The following PDZD2 variants were observed in gnomAD, a reference collection of about 807,000 sequenced individuals.
PDZD2 encodes the protein PDZ domain-containing protein 2.
In PDZD2, 90 loss-of-function variants were observed where a neutral mutation model predicts 220.7. The observed-to-expected ratio is 0.41, with a 90% CI of 0.34 to 0.49. PDZD2 has a LOEUF of 0.49. Among genes scored for constraint, PDZD2 ranks in the 20% least tolerant of loss-of-function variants. The pLI is 0.28. For synonymous variants in PDZD2, 1,375 were observed against 1,450.5 expected (o/e 0.95, Z 1.18); for missense variants, 3,174 against 3,608.5 (o/e 0.88, Z 3.08).
At chr5:31,752,584 T>A (rs1354859589) in intron 1 of PDZD2, among the ~76,000 whole-genome samples, 1 of 150,700 alleles carries the variant, frequency 6.6e-6, no homozygotes, top group Non-Finnish European at 1.5e-5. Flanking sequence ...AATAGGCGTT[T>A]TTTTTTCCCC....
chr5:31,713,499 C>T (rs2150141003), intron 1 of PDZD2, among the ~76,000 whole-genome samples: 1 of 152,310 alleles, frequency 6.6e-6, no homozygotes, highest in South Asian at 2.1e-4. Flanking sequence ...CCCTGCAAAT[C>T]TCATGTTGAA....
intron 1 of PDZD2, among the ~76,000 whole-genome samples, chr5:31,719,244 C>T (rs1270296778): frequency 1.3e-5 from 2 of 152,002 alleles, no homozygotes; most frequent in East Asian, 3.9e-4. Context: ...CATTGGATTC[C>T]ACTATATGAT....
At chr5:32,050,912 G>C (rs185499259) in intron 8 of PDZD2, among the ~76,000 whole-genome samples, 52 of 152,298 alleles carry the variant, frequency 3.4e-4, no homozygotes, top group African/African-American at 1.1e-3. Flanking sequence ...TTTTTTATTT[G>C]TATCGTCCAA....
chr5:31,996,522 C>T lies in PDZD2; in HGVS notation c.1121+804C>T, dbSNP rs114462369. On this transcript the variant is annotated intron_variant, in intron 4 of 24. Transcript: ENST00000438447. The stretch of plus-strand genomic sequence containing the variant: ...AGGAGTTCCAGACCAGCCTGGCCAA[C>T]AGGTGAAACCCCATCTCCACTAAAC... 7.4e-3 allele frequency among the ~76,000 whole-genome samples: 1,123 copies of T among 152,278 alleles called. 14 individuals carry two copies. The highest frequency in any genetic ancestry group is 0.026 in the African/African-American group (1,071 of 41,556).
intron 1 of PDZD2, among the ~76,000 whole-genome samples, chr5:31,693,600 C>T (rs904242454): frequency 2.7e-5 from 4 of 150,212 alleles, no homozygotes; most frequent in Admixed American, 6.7e-5. Context: ...GTACAGTCTC[C>T]TGTCATCCCC....
At chr5:31,684,861 C>T (rs1229573982) in intron 1 of PDZD2, among the ~76,000 whole-genome samples, 1 of 152,206 alleles carries the variant, frequency 6.6e-6, no homozygotes, top group African/African-American at 2.4e-5. Flanking sequence ...GGTCTCAACT[C>T]ATGTCACCCC....
intron 6 of PDZD2, among the ~76,000 whole-genome samples, chr5:32,024,702 A>AG (rs1554027602): frequency 1.3e-4 from 5 of 39,980 alleles, no homozygotes; most frequent in South Asian, 1.1e-3. Context: ...AAGAAAGAAA[A>AG]AAAAGAAAAG....
chr5:32,048,769 T>A (rs775372054), intron 8 of PDZD2, 85 bp downstream of exon 8: 30 of 1,387,850 alleles, frequency 2.2e-5, no homozygotes, highest in Admixed American at 1.5e-4. Flanking sequence ...GCCAGGAGTG[T>A]CTGGGGCTAG....
intron 2 of PDZD2, among the ~76,000 whole-genome samples, chr5:31,918,222 G>A (rs1581074298): frequency 6.6e-6 from 1 of 152,264 alleles, no homozygotes; most frequent in East Asian, 1.9e-4. Flanking sequence ...CTCCAACAAT[G>A]GGGATTAAAA....
chr5:31,926,064 T>TA (rs1164043696), intron 2 of PDZD2, among the ~76,000 whole-genome samples: 2 of 150,964 alleles, frequency 1.3e-5, no homozygotes, highest in Non-Finnish European at 3.0e-5. Context: ...CGACAGAAAG[T>TA]AAAAAAAATT....
At chr5:31,923,187 C>T (rs1744434397) in intron 2 of PDZD2, among the ~76,000 whole-genome samples, 1 of 152,106 alleles carries the variant, frequency 6.6e-6, no homozygotes, top group Non-Finnish European at 1.5e-5. Flanking sequence ...CCCAGCTACT[C>T]AGGGGGCAGA....
Position 32,108,323 on chromosome 5 carries a change from G to GCCTT in PDZD2, c.*191_*194dup, listed in dbSNP as rs1165887312. 2.3e-6 allele frequency: 1 copy of GCCTT among 433,966 alleles called. No individual in the cohort carries two copies. The highest frequency in any genetic ancestry group is 4.0e-6 in the Non-Finnish European group (1 of 247,878). The allele number at this position is 433,966 out of a possible 1,614,324, so 26.9% of individuals were successfully genotyped here. On this transcript the variant is annotated 3_prime_UTR_variant, in exon 25 of 25. Transcript: ENST00000438447. ...AACAGCAATGAAATTAACTCCAGAAGCCTTCCACCTGCGTCACCCAGGCCG... is the reference window on the plus strand; with the variant it reads ...AACAGCAATGAAATTAACTCCAGAAGCCTTCCTTCCACCTGCGTCACCCAGGCCG...
At chr5:31,877,497 G>T (rs529563639) in intron 2 of PDZD2, among the ~76,000 whole-genome samples, 1 of 152,040 alleles carries the variant, frequency 6.6e-6, no homozygotes, top group Non-Finnish European at 1.5e-5. Flanking sequence ...AGGATTACAG[G>T]CATGAGACAC....
intron 2 of PDZD2, among the ~76,000 whole-genome samples, chr5:31,833,300 T>A (rs78843508): frequency 0.035 from 5,329 of 152,072 alleles, 200 homozygotes; most frequent in African/African-American, 0.097. Flanking sequence ...AAACCACGTC[T>A]CTACAAAAAA....
At chr5:32,007,888 C>T (rs567876233) in intron 5 of PDZD2, among the ~76,000 whole-genome samples, 1 of 152,292 alleles carries the variant, frequency 6.6e-6, no homozygotes, top group South Asian at 2.1e-4. Flanking sequence ...TCCGCATTTG[C>T]AGCAAGGCCT....
chr5:32,009,028 A>G (rs1488446626), intron 5 of PDZD2, among the ~76,000 whole-genome samples: 5 of 150,974 alleles, frequency 3.3e-5, no homozygotes, highest in African/African-American at 1.2e-4. Flanking sequence ...GAGTTTGGAG[A>G]GTGGGGCAGA....
intron 1 of PDZD2, among the ~76,000 whole-genome samples, chr5:31,688,131 TATCTC>T (rs2150126481): frequency 6.6e-6 from 1 of 152,268 alleles, no homozygotes; most frequent in African/African-American, 2.4e-5. Flanking sequence ...AATAAATTAA[TATCTC>T]AGCAGCCAAA....
chr5:31,640,726 A>C (rs1255738595), intron 1 of PDZD2, among the ~76,000 whole-genome samples: 4 of 152,018 alleles, frequency 2.6e-5, no homozygotes, highest in Non-Finnish European at 1.5e-5. Context: ...TTGTGGGGGC[A>C]GAAGAGAATG....
chr5:31,899,186 G>A (rs1323197727), intron 2 of PDZD2, among the ~76,000 whole-genome samples: 2 of 151,998 alleles, frequency 1.3e-5, no homozygotes, highest in Non-Finnish European at 2.9e-5. Flanking sequence ...GAGCGCAGTG[G>A]CATGATCCTG....
Sources: allele counts gnomAD v4.1 joint callset (sites outside exome capture counted in the v4.1 genomes callset), GRCh38; gene constraint gnomAD v4.1.1; transcripts MANE v1.5; gene names NCBI Gene and HGNC (gene_info 2026-07-23, HGNC 2026-07-21).